Variants in TK2 observed in about 807,000 individuals in gnomAD.
TK2 encodes thymidine kinase 2, mitochondrial.
In TK2, 35 loss-of-function variants were observed where a neutral mutation model predicts 41.9. That is an observed-to-expected ratio of 0.84 (90% confidence interval 0.64 to 1.11). The LOEUF is 1.11. Ranked by LOEUF, TK2 falls within the 50% of genes least tolerant of loss-of-function variation. TK2 has a pLI of 0.00. For synonymous variants in TK2, 128 were observed against 129.1 expected, an observed-to-expected ratio of 0.99 and a Z score of 0.06; for missense variants, 320 against 351.1, an observed-to-expected ratio of 0.91 and a Z score of 0.71.
rs901392821 is a variant in TK2, at chr16:66,517,545, G to C, written c.538+244C>G. ...AAACCCATCAGATCACAGTGGATTT[G>C]GGTCTGAAAGTAGCTGAGCCAGGGA... is the stretch of plus-strand genomic sequence containing the variant. On this transcript the variant is annotated intron_variant, in intron 7 of 9. Transcript: ENST00000544898. The surrounding 1 kb of genome is among the most constrained non-coding windows in gnomAD (Gnocchi z 4.3). Among the ~76,000 whole-genome samples the C allele has an allele frequency of 2.6e-5, 4 of 152,230 alleles. No individual in the cohort carries two copies. The highest frequency in any genetic ancestry group is 9.6e-5 in the African/African-American group (4 of 41,460).
At chr16:66,526,439 T>A (rs1042592799) in intron 6 of TK2, among the ~76,000 whole-genome samples, 2 of 152,130 alleles carry the variant, frequency 1.3e-5, no homozygotes, top group Admixed American at 1.3e-4. Context: ...TCCAGATTAC[T>A]TGCTTCAAAA....
chr16:66,549,073 G>A, intron 1 of TK2, 64 bp from the exon 2 acceptor site: 1 of 1,606,624 alleles, frequency 6.2e-7, no homozygotes. Flanking sequence ...GCCCTAATTT[G>A]CTACATGACC....
intron 1 of TK2, chr16:66,549,463 A>G (rs1965714239): frequency 2.7e-5 from 28 of 1,044,444 alleles, no homozygotes; most frequent in Non-Finnish European, 3.2e-5. Context: ...CTCAACAGCC[A>G]TATGGCGGAC....
chr16:66,519,648 A>G (rs1342777406), intron 6 of TK2, among the ~76,000 whole-genome samples: 1 of 152,212 alleles, frequency 6.6e-6, no homozygotes, highest in Non-Finnish European at 1.5e-5. Flanking sequence ...GAATGGACAC[A>G]GCTGGAGGGC....
chr16:66,527,591 C>CG (rs569574340), intron 6 of TK2, among the ~76,000 whole-genome samples: 103 of 152,028 alleles, frequency 6.8e-4, no homozygotes, highest in African/African-American at 2.2e-3. Flanking sequence ...GCTTATGGTC[C>CG]GGGGGGGTGG....
intron 3 of TK2, among the ~76,000 whole-genome samples, chr16:66,539,257 G>C (rs1965380801): frequency 6.6e-6 from 1 of 152,046 alleles, no homozygotes; most frequent in Non-Finnish European, 1.5e-5. Flanking sequence ...ACAACACGCA[G>C]TCATACTCAC....
chr16:66,548,130 C>A, intron 2 of TK2: 1 of 419,112 alleles, frequency 2.4e-6, no homozygotes, highest in Non-Finnish European at 4.8e-6. Flanking sequence ...ATTTCCCTCC[C>A]CTTCTATGGC....
rs149930793 is a variant in TK2, at chr16:66,535,330, A to T, written c.285+1634T>A. Among the ~76,000 whole-genome samples, 923 of 152,320 alleles carry T rather than the reference A, an allele frequency of 6.1e-3. 4 individuals are homozygous for T. The highest frequency in any genetic ancestry group is 9.6e-3 in the Non-Finnish European group (650 of 68,024). On this transcript the variant is annotated intron_variant, in intron 4 of 9. Transcript: ENST00000544898. ...GGACACTAAGACTTCTGAGGCTGTG[A>T]TTCTGTCCCGTGAAACGTCACTTAT...
rs1964391126 is a variant in TK2, at chr16:66,509,599, G to A, written c.*2369C>T. On this transcript the variant is annotated 3_prime_UTR_variant, in exon 10 of 10. Coordinates refer to ENST00000544898, the MANE Select transcript of TK2 (RefSeq NM_004614.5). ...CAGCTCTGCGGTGTACTGACTTCATGTCCCCATGGAACTCCAGTCTCACAG... is the reference window on the plus strand; with the variant it reads ...CAGCTCTGCGGTGTACTGACTTCATATCCCCATGGAACTCCAGTCTCACAG... 1 of 152,240 alleles carries A rather than the reference G, an allele frequency of 6.6e-6. No homozygotes were observed. Among genetic ancestry groups the A allele is most frequent in the Non-Finnish European group, 1.5e-5 (1 of 68,046 alleles). 9.4% of individuals were successfully genotyped at this position (152,240 alleles called of 1,614,324 possible).
upstream of TK2, chr16:66,550,134 C>T (rs1219771104): frequency 1.9e-6 from 3 of 1,612,396 alleles, no homozygotes; most frequent in Middle Eastern, 1.7e-4. Flanking sequence ...CTAGTCCAGC[C>T]GTTGGGCGCC....
In TK2 at chr16:66,511,980, C is replaced by T; in HGVS notation, c.786G>A (p.Lys262=). Residue 262 remains lysine (K), a synonymous_variant, in exon 10 of 10, where the codon AAG becomes AAA. Transcript: ENST00000544898. ...GACCTTTTGCCTCCTATGGGCAATG[C>T]TTCCGATTCTCTGGAGTTAATATTC... The part of the protein sequence containing the change: ...RDRILTPENR[K]HCP The T allele has an allele frequency of 6.2e-7, 1 of 1,614,192 alleles. No homozygotes were observed. The highest frequency in any genetic ancestry group is 1.7e-4 in the Middle Eastern group (1 of 6,060).
At chr16:66,547,023 G>C (rs1423874150) in intron 2 of TK2, among the ~76,000 whole-genome samples, 1 of 152,174 alleles carries the variant, frequency 6.6e-6, no homozygotes, top group Non-Finnish European at 1.5e-5. Flanking sequence ...GAAGTGCTGG[G>C]ATTATAGGCA....
intron 4 of TK2, among the ~76,000 whole-genome samples, chr16:66,536,132 A>T (rs1212203055): frequency 1.3e-5 from 2 of 151,004 alleles, no homozygotes; most frequent in Non-Finnish European, 2.9e-5. Context: ...TGAACCTGGG[A>T]GACAGAGGTT....
rs973834774 is a variant in TK2 at position 66,511,746 on chromosome 16, G to A, written c.*222C>T. 5.4e-5 allele frequency: 33 copies of A among 606,560 alleles called. 2 individuals carry two copies. The highest frequency in any genetic ancestry group is 1.5e-5 in the Non-Finnish European group (5 of 337,674). The allele number at this position is 606,560 out of a possible 1,614,324, so 37.6% of individuals were successfully genotyped here. ...AGGCACCGGGGGAATGTGAGGCTGC[G>A]AACAGCAAAGGGCTTGGCAAACCCA... On this transcript the variant is annotated 3_prime_UTR_variant, in exon 10 of 10. Coordinates refer to ENST00000544898, the MANE Select transcript of TK2 (RefSeq NM_004614.5).
intron 5 of TK2, among the ~76,000 whole-genome samples, chr16:66,531,144 G>C (rs1287412426): frequency 6.6e-6 from 1 of 152,182 alleles, no homozygotes; most frequent in Non-Finnish European, 1.5e-5. Flanking sequence ...ATAAAGATGT[G>C]AGCTCAGAAT....
rs1483560569 is a variant in TK2 at position 66,534,741 on chromosome 16, C to T, written c.285+2223G>A. 2.0e-5 allele frequency among the ~76,000 whole-genome samples: 3 copies of T among 152,270 alleles called. No homozygotes were observed. In the East Asian group the frequency reaches 5.8e-4, roughly 29 times the overall value. Reference sequence around the variant, plus strand: ...CTCATGTAAAACAGAAGCCAACCCACCTACTCAATCACTCTCCATCCCTTC... The same window carrying T: ...CTCATGTAAAACAGAAGCCAACCCATCTACTCAATCACTCTCCATCCCTTC... On this transcript the variant is annotated intron_variant, in intron 4 of 9. Transcript: ENST00000544898.
chr16:66,538,773 T>A (rs530585489), intron 3 of TK2, among the ~76,000 whole-genome samples: 30 of 152,168 alleles, frequency 2.0e-4, no homozygotes, highest in Admixed American at 1.4e-3. Context: ...GACACGGAGC[T>A]CAGATCTGAA....
rs1334844888 is a variant in TK2 at position 66,509,624 on chromosome 16, G to GC, written c.*2343dup. ...GTCCCCATGGAACTCCAGTCTCACA[G>GC]CAAGGATGAGGTGAGCCCAACATAT... On this transcript the variant is annotated 3_prime_UTR_variant, in exon 10 of 10. Transcript: ENST00000544898. 6.6e-6 allele frequency: 1 copy of GC among 152,282 alleles called. No individual in the cohort carries two copies. Among genetic ancestry groups the GC allele is most frequent in the African/African-American group, 2.4e-5 (1 of 41,464 alleles). The allele number at this position is 152,282 out of a possible 1,614,324, so 9.4% of individuals were successfully genotyped here. A position where few individuals can be genotyped will look rare whatever the true frequency, so the allele number is the denominator to read the frequency against.
rs1485860665 is a variant in TK2 at position 66,548,995 on chromosome 16, T to C, written c.139A>G (p.Lys47Glu). The C allele has an allele frequency of 2.5e-6, 4 of 1,613,756 alleles. No individual in the cohort carries two copies. Among genetic ancestry groups the C allele is most frequent in the Non-Finnish European group, 3.4e-6 (4 of 1,179,774 alleles). The stretch of plus-strand genomic sequence containing the variant: ...GGACTTACCACTGATTTTTTCTCTT[T>C]TTCCTGTTCTTTATCTACAAAAGAA... Reference protein sequence around the residue: ...RAWPPDKEQEKEKKSVICVEG... With the variant: ...RAWPPDKEQEEEKKSVICVEG... Residue 47 changes from lysine to glutamate, a missense_variant, in exon 2 of 10, where the codon AAA (lysine) becomes GAA (glutamate). Lys to Glu is a moderately conservative substitution (Grantham distance 56). Coordinates refer to ENST00000544898, the MANE Select transcript of TK2 (RefSeq NM_004614.5).
Sources: gnomAD v4.1 joint callset for allele counts (sites outside exome capture counted in the v4.1 genomes callset) on GRCh38, gnomAD v4.1.1 for gene constraint, Gnocchi (gnomAD v3.1) non-coding constraint, MANE v1.5 for transcripts, NCBI Gene and HGNC (gene_info 2026-07-23, HGNC 2026-07-21) for gene names.